The following PPM1L variants were observed in gnomAD, a reference collection of about 807,000 sequenced individuals.
PPM1L encodes the protein protein phosphatase 1L.
PPM1L carries 13 observed loss-of-function variants against 31.4 expected under a neutral mutation model. That is an observed-to-expected ratio of 0.41 (90% CI 0.27 to 0.66). PPM1L has a LOEUF of 0.66. PPM1L is among the 30% of genes least tolerant of loss of function. The pLI, the probability that PPM1L is intolerant of heterozygous loss-of-function variation, is 0.29. For missense variants in PPM1L, 326 were observed against 453.7 expected, an observed-to-expected ratio of 0.72 and a Z score of 2.56; for synonymous variants, 184 against 175.4, an observed-to-expected ratio of 1.05 and a Z score of -0.39.
At chr3:161,065,585 A>G (rs770480355) in intron 3 of PPM1L, 21 bp downstream of exon 3, 2 of 1,608,020 alleles carry the variant, frequency 1.2e-6, no homozygotes, top group South Asian at 1.1e-5. Flanking sequence ...GAACACCTCC[A>G]AGAAATGTCT....
At chr3:160,895,014 A>T (rs1330183075) in intron 1 of PPM1L, among the ~76,000 whole-genome samples, 2 of 152,054 alleles carry the variant, frequency 1.3e-5, no homozygotes, top group African/African-American at 2.4e-5. Context: ...AAGAAAATGG[A>T]TTTTTCATAG....
At chr3:160,866,376 C>G (rs1458372882) in intron 1 of PPM1L, among the ~76,000 whole-genome samples, 2 of 152,094 alleles carry the variant, frequency 1.3e-5, no homozygotes, top group African/African-American at 4.8e-5. Context: ...ATACATAGTC[C>G]ATGAAAACAT....
chr3:161,018,045 TA>T (rs945205723), intron 2 of PPM1L, among the ~76,000 whole-genome samples: 19 of 150,912 alleles, frequency 1.3e-4, no homozygotes, highest in South Asian at 4.2e-4. Flanking sequence ...AATGACTCCT[TA>T]AAAAAAAAGA....
At chr3:161,008,853 G>C (rs1310244779) in intron 2 of PPM1L, among the ~76,000 whole-genome samples, 1 of 152,178 alleles carries the variant, frequency 6.6e-6, no homozygotes, top group African/African-American at 2.4e-5. Context: ...GGGTCAAGTA[G>C]GCAATTAGAT....
At chr3:160,979,002 G>A (rs368338194) in intron 2 of PPM1L, among the ~76,000 whole-genome samples, 18 of 151,882 alleles carry the variant, frequency 1.2e-4, no homozygotes, top group East Asian at 3.9e-4. Flanking sequence ...GTAGAATATC[G>A]AGTGTATTCA....
intron 1 of PPM1L, among the ~76,000 whole-genome samples, chr3:160,761,630 G>A (rs1714970919): frequency 6.6e-6 from 1 of 152,118 alleles, no homozygotes; most frequent in Non-Finnish European, 1.5e-5. Context: ...TCACTCCTAG[G>A]ACAGTTTATC....
At chr3:160,814,703 G>GTA (rs1712936561) in intron 1 of PPM1L, among the ~76,000 whole-genome samples, 1 of 78,438 alleles carries the variant, frequency 1.3e-5, no homozygotes, top group Non-Finnish European at 2.1e-5. Context: ...ACGTATATGT[G>GTA]TATATATATG....
intron 1 of PPM1L, among the ~76,000 whole-genome samples, chr3:160,896,586 C>A (rs1576697416): frequency 6.6e-6 from 1 of 152,150 alleles, no homozygotes; most frequent in Non-Finnish European, 1.5e-5. Context: ...TCTTCCTACC[C>A]CTTTTAAAAA....
At chr3:160,925,571 C>T (rs1714558743) in intron 1 of PPM1L, among the ~76,000 whole-genome samples, 1 of 152,098 alleles carries the variant, frequency 6.6e-6, no homozygotes, top group Non-Finnish European at 1.5e-5. Flanking sequence ...ACTAACCCGC[C>T]ATTACTGGAA....
At chr3:160,932,077 T>C (rs1459350528) in intron 1 of PPM1L, among the ~76,000 whole-genome samples, 1 of 151,820 alleles carries the variant, frequency 6.6e-6, no homozygotes, top group Non-Finnish European at 1.5e-5. Context: ...GAAGGAGGAG[T>C]GAGGAAAACC....
intron 1 of PPM1L, among the ~76,000 whole-genome samples, chr3:160,759,372 A>G (rs182564538): frequency 8.3e-4 from 126 of 152,294 alleles, no homozygotes; most frequent in Admixed American, 1.6e-3. Context: ...TACCTTGTAT[A>G]TCCTTGTACA....
At chr3:160,978,863 G>GAGAA (rs574211645) in intron 2 of PPM1L, among the ~76,000 whole-genome samples, 1 of 151,522 alleles carries the variant, frequency 6.6e-6, no homozygotes, top group Non-Finnish European at 1.5e-5. Context: ...GAAAGAGAGA[G>GAGAA]AGAAAGAAAG....
intron 1 of PPM1L, among the ~76,000 whole-genome samples, chr3:160,914,365 T>C (rs1406378731): frequency 1.3e-5 from 2 of 152,034 alleles, no homozygotes; most frequent in African/African-American, 4.8e-5. Context: ...TGTATACATG[T>C]GCCATGTTGG....
At chr3:160,983,613 A>G (rs1021479095) in intron 2 of PPM1L, among the ~76,000 whole-genome samples, 1 of 152,194 alleles carries the variant, frequency 6.6e-6, no homozygotes. Context: ...GCATTTTCCT[A>G]TATCTACAAG....
At chr3:161,026,462 G>A (rs1007943778) in intron 2 of PPM1L, among the ~76,000 whole-genome samples, 6 of 152,286 alleles carry the variant, frequency 3.9e-5, no homozygotes, top group East Asian at 1.9e-4. Flanking sequence ...TTGGGAGGCC[G>A]AGGCAGGAGG....
chr3:160,873,285 T>A (rs1156456222), intron 1 of PPM1L, among the ~76,000 whole-genome samples: 1 of 152,180 alleles, frequency 6.6e-6, no homozygotes, highest in East Asian at 1.9e-4. Flanking sequence ...ACTGCTTATA[T>A]TCTGTAAACA....
At chr3:160,989,049 G>A (rs1717049427) in intron 2 of PPM1L, among the ~76,000 whole-genome samples, 2 of 152,184 alleles carry the variant, frequency 1.3e-5, no homozygotes, top group Admixed American at 6.5e-5. Flanking sequence ...CACTTCTGAT[G>A]TGAAAGGGAA....
At chr3:160,944,512 C>A (rs1486305348) in intron 1 of PPM1L, among the ~76,000 whole-genome samples, 3 of 149,474 alleles carry the variant, frequency 2.0e-5, no homozygotes, top group Non-Finnish European at 3.0e-5. Flanking sequence ...GACTCTCTAA[C>A]TTTTTAGGTT....
intron 1 of PPM1L, among the ~76,000 whole-genome samples, chr3:160,787,229 TAA>T (rs1711961309): frequency 6.6e-6 from 1 of 152,220 alleles, no homozygotes; most frequent in African/African-American, 2.4e-5. Context: ...CAGCAGTATA[TAA>T]GAGTTCTCTT....
Sources: allele counts gnomAD v4.1 joint callset (sites outside exome capture counted in the v4.1 genomes callset), GRCh38; gene constraint gnomAD v4.1.1; transcripts MANE v1.5; gene names NCBI Gene and HGNC (gene_info 2026-07-23, HGNC 2026-07-21).